SNRK: variants seen among roughly 807,000 people sequenced by gnomAD.
SNRK encodes the protein SNF related kinase, also known as SNF-related serine/threonine-protein kinase.
SNRK carries 3 observed loss-of-function variants against 48.2 expected under a neutral mutation model. That is an observed-to-expected ratio of 0.06 (90% CI 0.03 to 0.16). The LOEUF (loss-of-function observed/expected upper bound fraction) is 0.16, where lower values mean the gene tolerates loss of function less well. Ranked by LOEUF, SNRK falls within the 10% of genes least tolerant of loss-of-function variation. The probability of loss-of-function intolerance (pLI) is 1.00; values close to 1 mark genes in which losing one functional copy is unlikely to be tolerated. For synonymous variants in SNRK, 376 were observed against 366.1 expected, an observed-to-expected ratio of 1.03 and a Z score of -0.31; for missense variants, 627 against 976.0, an observed-to-expected ratio of 0.64 and a Z score of 4.76.
chr3:43,335,957 C>CT (rs1028034774), intron 4 of SNRK, among the ~76,000 whole-genome samples: 7 of 152,138 alleles, frequency 4.6e-5, no homozygotes, highest in Admixed American at 6.5e-5. Flanking sequence ...TTAAATACAT[C>CT]TTTTTTTAAC....
chr3:43,298,318 G>C (rs1256908925), intron 1 of SNRK, among the ~76,000 whole-genome samples: 1 of 152,132 alleles, frequency 6.6e-6, no homozygotes, highest in African/African-American at 2.4e-5. Context: ...ACAGAGACTA[G>C]GGATGAAACA....
chr3:43,306,375 T>TA (rs1381803732), intron 3 of SNRK, among the ~76,000 whole-genome samples: 2 of 152,154 alleles, frequency 1.3e-5, no homozygotes, highest in Non-Finnish European at 2.9e-5. Flanking sequence ...TGTTACTAAA[T>TA]AAAAAAACTT....
At chr3:43,346,823 G>A (rs1281440933) in intron 6 of SNRK, 3 of 152,280 alleles carry the variant, frequency 2.0e-5, no homozygotes, top group South Asian at 2.1e-4. Flanking sequence ...TGATGTATAC[G>A]TGTTATAACT....
intron 6 of SNRK, among the ~76,000 whole-genome samples, chr3:43,344,262 CCACTTAAAAT>C (rs2091258474): frequency 6.6e-6 from 1 of 152,092 alleles, no homozygotes; most frequent in Non-Finnish European, 1.5e-5. Context: ...GAGTAACTTT[CCACTTAAAAT>C]CAAAGCATGG....
At chr3:43,340,574 C>A in intron 5 of SNRK, 75 bp downstream of exon 5, 2 of 1,231,132 alleles carry the variant, frequency 1.6e-6, no homozygotes, top group Non-Finnish European at 2.3e-6. Flanking sequence ...CTTAACACAG[C>A]CTTTGGACAC....
intron 1 of SNRK, among the ~76,000 whole-genome samples, chr3:43,287,309 G>C (rs942578972): frequency 6.6e-6 from 1 of 152,136 alleles, no homozygotes; most frequent in African/African-American, 2.4e-5. Context: ...CATAGTCATC[G>C]CCTGTTGATT....
At chr3:43,325,249 T>G (rs2091086889) in intron 3 of SNRK, among the ~76,000 whole-genome samples, 1 of 152,230 alleles carries the variant, frequency 6.6e-6, no homozygotes, top group East Asian at 1.9e-4. Flanking sequence ...CACTGCAAGC[T>G]CTGCCTCCCG....
chr3:43,339,842 T>C (rs2091220683), intron 4 of SNRK, among the ~76,000 whole-genome samples: 1 of 66,232 alleles, frequency 1.5e-5, no homozygotes, highest in African/African-American at 8.4e-5. Context: ...TATATATATA[T>C]ATATATATAT....
chr3:43,332,244 A>G lies in SNRK; in HGVS notation c.665A>G (p.Glu222Gly). The change falls in exon 4 of 7, where the codon GAA becomes GGA. Residue 222 changes from glutamate to glycine, a missense_variant. Physicochemically the swap from Glu to Gly is moderately conservative, Grantham distance 98 (BLOSUM62 -2). Coordinates refer to ENST00000296088, the MANE Select transcript of SNRK (RefSeq NM_017719.5). ...QPPFQEANDS[E>G]TLTMIMDCKY... ...CCCTTTCAAGAAGCCAATGACAGTG[A>G]AACACTGACAATGATCATGGATTGC... The G allele has an allele frequency of 6.2e-7, 1 of 1,600,478 alleles. No individual in the cohort carries two copies. Among genetic ancestry groups the G allele is most frequent in the Non-Finnish European group, 8.5e-7 (1 of 1,173,324 alleles).
intron 3 of SNRK, among the ~76,000 whole-genome samples, chr3:43,313,080 C>T (rs959867268): frequency 6.6e-6 from 1 of 152,070 alleles, no homozygotes; most frequent in Non-Finnish European, 1.5e-5. Flanking sequence ...GGCAAAGAAC[C>T]TAGAATAACT....
intron 6 of SNRK, among the ~76,000 whole-genome samples, chr3:43,345,381 A>G (rs931818239): frequency 6.6e-6 from 1 of 152,170 alleles, no homozygotes; most frequent in East Asian, 1.9e-4. Flanking sequence ...TAAAATGGCA[A>G]CTAGCTGGGC....
chr3:43,348,271 G>C lies in SNRK; in HGVS notation c.2012G>C (p.Gly671Ala). Residue 671 changes from glycine to alanine, a missense_variant, in exon 7 of 7, where the codon GGC (glycine) becomes GCC (alanine). Coordinates refer to ENST00000296088, the MANE Select transcript of SNRK (RefSeq NM_017719.5). Reference sequence around the variant, plus strand: ...AAGTACATTATTGATCCACAGAATGGCTTGTCATTTTCCAGTGTGAAAGTC... The same window carrying C: ...AAGTACATTATTGATCCACAGAATGCCTTGTCATTTTCCAGTGTGAAAGTC... ...STKYIIDPQN[G>A]LSFSSVKVQE... 6.2e-7 allele frequency: 1 copy of C among 1,614,120 alleles called. No homozygotes were observed.
chr3:43,341,227 T>C (rs1390331898), intron 5 of SNRK, among the ~76,000 whole-genome samples: 1 of 151,600 alleles, frequency 6.6e-6, no homozygotes, highest in Non-Finnish European at 1.5e-5. Context: ...CTTGGCTCAC[T>C]GCAAGCTCCG....
intron 5 of SNRK, among the ~76,000 whole-genome samples, chr3:43,343,007 A>G (rs987920040): frequency 1.3e-5 from 2 of 151,878 alleles, no homozygotes; most frequent in Non-Finnish European, 2.9e-5. Flanking sequence ...AACAAATACA[A>G]ACACTGTACA....
chr3:43,324,724 C>G (rs1207787252), intron 3 of SNRK, among the ~76,000 whole-genome samples: 1 of 151,418 alleles, frequency 6.6e-6, no homozygotes, highest in Non-Finnish European at 1.5e-5. Flanking sequence ...GAAAGATATA[C>G]TGATTTTTTT....
chr3:43,331,610 C>T (rs941772150), intron 3 of SNRK, among the ~76,000 whole-genome samples: 2 of 152,164 alleles, frequency 1.3e-5, no homozygotes, highest in Non-Finnish European at 2.9e-5. Context: ...CAAGTTTCAT[C>T]CTCTGGAGTA....
In SNRK at chr3:43,302,200, C is replaced by T. The variant is rs1359753801; in HGVS notation, c.-106-898C>T. On this transcript the variant is annotated intron_variant, in intron 2 of 6. Coordinates refer to ENST00000296088, the MANE Select transcript of SNRK (RefSeq NM_017719.5). ...ACAAATATTTACTAAGTACCTACTA[C>T]CATATACCTAGAACCCCCTCAAAAC... Among the ~76,000 whole-genome samples, 7 of 152,230 alleles carry T rather than the reference C, an allele frequency of 4.6e-5. No homozygotes were observed. In the East Asian group the frequency reaches 1.3e-3, roughly 29 times the overall value.
intron 3 of SNRK, among the ~76,000 whole-genome samples, chr3:43,331,330 G>A (rs1329656886): frequency 6.6e-6 from 1 of 152,004 alleles, no homozygotes; most frequent in Non-Finnish European, 1.5e-5. Context: ...ATGATTGATG[G>A]GTTTGCTTTT....
intron 3 of SNRK, among the ~76,000 whole-genome samples, chr3:43,315,592 C>T (rs536070126): frequency 8.1e-4 from 123 of 151,810 alleles, no homozygotes; most frequent in African/African-American, 2.7e-3. Flanking sequence ...TCCTGACTAT[C>T]GAGTTTGGGA....
Sources: allele counts gnomAD v4.1 joint callset (sites outside exome capture counted in the v4.1 genomes callset), GRCh38; gene constraint gnomAD v4.1.1; transcripts MANE v1.5; gene names NCBI Gene and HGNC (gene_info 2026-07-23, HGNC 2026-07-21).